The following KLHL24 variants were observed in gnomAD, a reference collection of about 807,000 sequenced individuals.
KLHL24 encodes kelch-like protein 24.
A neutral mutation model predicts 53.4 loss-of-function variants in KLHL24; 29 were observed. That is an observed-to-expected ratio of 0.54 (90% CI 0.40 to 0.74). The LOEUF is 0.74. Ranked by LOEUF, KLHL24 falls within the 30% of genes least tolerant of loss-of-function variation. The pLI, the probability that KLHL24 is intolerant of heterozygous loss-of-function variation, is 0.00. For synonymous variants in KLHL24, 222 were observed against 253.7 expected, an observed-to-expected ratio of 0.88 and a Z score of 1.19; for missense variants, 504 against 744.0, an observed-to-expected ratio of 0.68 and a Z score of 3.75.
intron 7 of KLHL24, among the ~76,000 whole-genome samples, chr3:183,674,421 C>T (rs753087298): frequency 3.3e-5 from 5 of 151,430 alleles, no homozygotes; most frequent in African/African-American, 7.3e-5. Flanking sequence ...AGTGCAATGG[C>T]GCGATCTCCA....
At chr3:183,648,793 G>T (rs553697029) in intron 2 of KLHL24, among the ~76,000 whole-genome samples, 5 of 152,262 alleles carry the variant, frequency 3.3e-5, no homozygotes, top group South Asian at 2.1e-4. Flanking sequence ...CTTGAGGCCA[G>T]GAGTTCAAGA....
intron 3 of KLHL24, among the ~76,000 whole-genome samples, chr3:183,656,830 G>A (rs1210378239): frequency 6.6e-6 from 1 of 151,660 alleles, no homozygotes; most frequent in Non-Finnish European, 1.5e-5. Context: ...GAGGCAAGAG[G>A]CGGGAGGATA....
At chr3:183,637,847 C>T (rs747243827) in intron 1 of KLHL24, among the ~76,000 whole-genome samples, 1 of 152,244 alleles carries the variant, frequency 6.6e-6, no homozygotes, top group Non-Finnish European at 1.5e-5. Flanking sequence ...TTAGTAGGGA[C>T]GGGGTTTCAC....
intron 3 of KLHL24, 35 bp downstream of exon 3, chr3:183,651,311 G>A (rs1718080372): frequency 1.3e-6 from 2 of 1,506,114 alleles, no homozygotes; most frequent in Non-Finnish European, 1.8e-6. Flanking sequence ...GTTAACAAAA[G>A]TTTTTAATAT....
chr3:183,644,014 T>C (rs373719915), intron 2 of KLHL24: 4 of 139,068 alleles, frequency 2.9e-5, no homozygotes, highest in African/African-American at 8.3e-5. Flanking sequence ...TTTGAGATGA[T>C]AGGATAACAT....
chr3:183,675,373 C>T (rs1711652912), intron 7 of KLHL24, among the ~76,000 whole-genome samples: 1 of 152,080 alleles, frequency 6.6e-6, no homozygotes, highest in Non-Finnish European at 1.5e-5. Context: ...ACATAATAGG[C>T]ACTTCAGCTC....
intron 7 of KLHL24, among the ~76,000 whole-genome samples, chr3:183,678,367 C>T (rs373685732): frequency 1.3e-5 from 2 of 152,048 alleles, no homozygotes; most frequent in South Asian, 2.1e-4. Context: ...GTCATGTAAC[C>T]GCCACTTTCT....
chr3:183,651,319 T>C (rs1718083263), intron 3 of KLHL24, 43 bp downstream of exon 3: 2 of 1,453,176 alleles, frequency 1.4e-6, no homozygotes, highest in Admixed American at 1.9e-5. Flanking sequence ...AAGTTTTTAA[T>C]ATATCTTTAA....
chr3:183,671,126 C>T lies in KLHL24; in HGVS notation c.1317C>T (p.Pro439=). The T allele has an allele frequency of 1.2e-6, 2 of 1,613,962 alleles. No individual in the cohort carries two copies. The highest frequency in any genetic ancestry group is 1.7e-6 in the Non-Finnish European group (2 of 1,179,974). ...SFSNRWTEVA[P]LKEAVSSPAV... Reference sequence around the variant, plus strand: ...CAAATCGATGGACTGAAGTTGCTCCCCTTAAGGAAGCCGTGAGTTCTCCTG... The same window carrying T: ...CAAATCGATGGACTGAAGTTGCTCCTCTTAAGGAAGCCGTGAGTTCTCCTG... The change falls in exon 6 of 8, where the codon CCC becomes CCT. Residue 439 remains proline (P), a synonymous_variant. Transcript: ENST00000242810.
intron 5 of KLHL24, 77 bp downstream of exon 5, chr3:183,665,116 T>A: frequency 1.3e-6 from 1 of 767,476 alleles, no homozygotes; most frequent in East Asian, 2.5e-5. Flanking sequence ...TTCATTTTAC[T>A]CACCCTCTGG....
chr3:183,675,536 G>A (rs9863562), intron 7 of KLHL24, among the ~76,000 whole-genome samples: 50,904 of 152,032 alleles, frequency 0.33, 9,371 homozygotes, highest in African/African-American at 0.49. Context: ...GAATCCTCAT[G>A]TGGTCAAGTA....
chr3:183,670,266 A>G (rs1721154046), intron 5 of KLHL24, among the ~76,000 whole-genome samples: 1 of 152,150 alleles, frequency 6.6e-6, no homozygotes, highest in African/African-American at 2.4e-5. Flanking sequence ...CCCATCTCCA[A>G]AAAAAGAAAA....
chr3:183,657,096 C>A (rs1719016864), intron 3 of KLHL24, among the ~76,000 whole-genome samples: 1 of 133,630 alleles, frequency 7.5e-6, no homozygotes, highest in Admixed American at 7.4e-5. Flanking sequence ...GCTTTTGCAT[C>A]CTGTCCTGAT....
chr3:183,663,819 G>A lies in KLHL24; in HGVS notation c.1105+177G>A, dbSNP rs1015582499. Among the ~76,000 whole-genome samples the A allele has an allele frequency of 5.9e-5, 9 of 152,072 alleles. No homozygotes were observed. Among genetic ancestry groups the A allele is most frequent in the South Asian group, 2.1e-4 (1 of 4,810 alleles). On this transcript the variant is annotated intron_variant, in intron 4 of 7. Transcript: ENST00000242810. This position sits in a 1 kb window ranked among gnomAD's most constrained non-coding sequence, Gnocchi z 4.9. ...CTTAAAAACAGGTACAAGGCCAGGC[G>A]CGGTGGCTCACGCCTGTAATCCCAG...
intron 7 of KLHL24, among the ~76,000 whole-genome samples, chr3:183,676,799 G>A (rs886241916): frequency 6.6e-6 from 1 of 151,846 alleles, no homozygotes; most frequent in East Asian, 1.9e-4. Context: ...AGTAGACCAG[G>A]TATTTAAAAT....
In KLHL24 at chr3:183,649,102, A is replaced by T. The variant is rs115670403; in HGVS notation, c.-61-1194A>T. On this transcript the variant is annotated intron_variant, in intron 2 of 7. Coordinates refer to ENST00000242810, the MANE Select transcript of KLHL24 (RefSeq NM_017644.3). ...AAGTCATTTCTGAGGGGGTTTTGGG[A>T]TGTTTCTTATTAGTGAAAGGGAACA... Among the ~76,000 whole-genome samples, 1,342 of 152,238 alleles carry T rather than the reference A, an allele frequency of 8.8e-3. 8 individuals carry two copies. The highest frequency in any genetic ancestry group is 0.017 in the Middle Eastern group (5 of 294).
rs370134609 is a variant in KLHL24, at chr3:183,638,333, G to C, written c.-125+2540G>C. 8.5e-5 allele frequency among the ~76,000 whole-genome samples: 13 copies of C among 152,104 alleles called. No homozygotes were observed. In the East Asian group the frequency reaches 9.6e-4, roughly 11 times the overall value. ...TTTGTCCAAGTTGTTGAACCTTAAT[G>C]CTTTTTCAATAACTTTTTTTAACTT... On this transcript the variant is annotated intron_variant, in intron 1 of 7. Coordinates refer to ENST00000242810, the MANE Select transcript of KLHL24 (RefSeq NM_017644.3).
At position 183,682,071 on chromosome 3, in the gene KLHL24, T is replaced by C. The variant is rs534761361; in HGVS notation, c.*2785T>C. The C allele has an allele frequency of 2.6e-5, 4 of 152,278 alleles. No homozygotes were observed. In the South Asian group the frequency reaches 8.3e-4, roughly 32 times the overall value. 9.4% of individuals were successfully genotyped at this position (152,278 alleles called of 1,614,324 possible). A position where few individuals can be genotyped will look rare whatever the true frequency, so the allele number is the denominator to read the frequency against. ...TTTTATTTGGGCATTTCTAGAACTT[T>C]TTACATTTGAAAGTACATGATGAGT... On this transcript the variant is annotated 3_prime_UTR_variant, in exon 8 of 8. Coordinates refer to ENST00000242810, the MANE Select transcript of KLHL24 (RefSeq NM_017644.3).
intron 5 of KLHL24, among the ~76,000 whole-genome samples, chr3:183,666,722 G>A (rs1170497579): frequency 6.6e-6 from 1 of 152,104 alleles, no homozygotes; most frequent in African/African-American, 2.4e-5. Flanking sequence ...TTGGATTTCA[G>A]ATTTTTTAAG....
Sources: allele counts gnomAD v4.1 joint callset (sites outside exome capture counted in the v4.1 genomes callset), GRCh38; gene constraint gnomAD v4.1.1; non-coding constraint Gnocchi (gnomAD v3.1); transcripts MANE v1.5; gene names NCBI Gene and HGNC (gene_info 2026-07-23, HGNC 2026-07-21).